The following DHX57 variants were observed in gnomAD, a reference collection of about 807,000 sequenced individuals.
DHX57 encodes the protein DExH-box helicase 57, also known as putative ATP-dependent RNA helicase DHX57.
DHX57 carries 105 observed loss-of-function variants against 156.2 expected under a neutral mutation model. The ratio of observed to expected loss-of-function variants is 0.67; its 90% CI spans 0.57 to 0.79. The LOEUF (loss-of-function observed/expected upper bound fraction) is 0.79, where lower values mean the gene tolerates loss of function less well. Among genes scored for constraint, DHX57 ranks in the 30% least tolerant of loss-of-function variants. DHX57 has a pLI of 0.00. For missense variants in DHX57, 1,847 were observed against 1,661.9 expected, an observed-to-expected ratio of 1.11 and a Z score of -1.94; for synonymous variants, 704 against 595.6, an observed-to-expected ratio of 1.18 and a Z score of -2.65.
chr2:38,849,702 C>T lies in DHX57; in HGVS notation c.2031-1300G>A, dbSNP rs76350530. On this transcript the variant is annotated intron_variant, in intron 9 of 23. Transcript: ENST00000457308. The stretch of plus-strand genomic sequence containing the variant: ...ACTCTCCCGTTCATTCACTCAGCAC[C>T]GGCTCACTGTTCTCCTTGCCGTCTT... Among the ~76,000 whole-genome samples, 362 of 152,274 alleles carry T rather than the reference C, an allele frequency of 2.4e-3. 1 individual carries two copies. Among genetic ancestry groups the T allele is most frequent in the African/African-American group, 8.1e-3 (336 of 41,550 alleles).
chr2:38,808,426 C>CTT (rs1670069403), intron 21 of DHX57, among the ~76,000 whole-genome samples: 1 of 151,996 alleles, frequency 6.6e-6, no homozygotes, highest in Admixed American at 6.6e-5. Flanking sequence ...CTTTTTTAAA[C>CTT]TTAATATATT....
chr2:38,845,603 C>T (rs574087085), intron 11 of DHX57, among the ~76,000 whole-genome samples: 1 of 152,140 alleles, frequency 6.6e-6, no homozygotes, highest in African/African-American at 2.4e-5. Flanking sequence ...ACAGGGATGA[C>T]AGCTGAAATC....
chr2:38,852,158 G>C (rs1011362415), intron 9 of DHX57, among the ~76,000 whole-genome samples: 11 of 147,452 alleles, frequency 7.5e-5, no homozygotes, highest in African/African-American at 2.5e-4. Flanking sequence ...TCTTCTAATA[G>C]TTCTTCTGGT....
At chr2:38,850,954 G>A (rs1672558144) in intron 9 of DHX57, among the ~76,000 whole-genome samples, 1 of 152,084 alleles carries the variant, frequency 6.6e-6, no homozygotes, top group African/African-American at 2.4e-5. Context: ...GCGTGCACCT[G>A]TAGTTGCGGC....
chr2:38,851,470 C>T (rs1672591199), intron 9 of DHX57, among the ~76,000 whole-genome samples: 1 of 152,132 alleles, frequency 6.6e-6, no homozygotes, highest in African/African-American at 2.4e-5. Context: ...TCAGAGTTAG[C>T]AAATATTCCC....
chr2:38,799,750 CAAAA>C (rs34097778), intron 23 of DHX57, among the ~76,000 whole-genome samples: 2 of 99,110 alleles, frequency 2.0e-5, no homozygotes, highest in Non-Finnish European at 3.8e-5. Flanking sequence ...AACTCCATCT[CAAAA>C]AAAAAAAAAA....
At chr2:38,847,286 T>C (rs547948635) in intron 10 of DHX57, among the ~76,000 whole-genome samples, 10 of 152,308 alleles carry the variant, frequency 6.6e-5, no homozygotes, top group Non-Finnish European at 1.2e-4. Flanking sequence ...GGTAGAGAAA[T>C]GATCCTTTGC....
rs770528775 is a variant in DHX57, at chr2:38,823,241, G to A, written c.3043C>T (p.His1015Tyr). The change falls in exon 17 of 24, where the codon CAT becomes TAT. Residue 1015 changes from histidine (H) to tyrosine (Y), a missense_variant. By Grantham distance (83) the His-to-Tyr change is moderately conservative. Transcript: ENST00000457308. ...RIKILEMFSAHNLQSVFSRLI... is the reference protein window; with the variant it reads ...RIKILEMFSAYNLQSVFSRLI... ...CGAGAGAACACAGACTGGAGATTAT[G>A]AGCACTAAACATCTCTAAAATTTTA... The A allele has an allele frequency of 1.2e-6, 2 of 1,614,086 alleles. No homozygotes were observed. The highest frequency in any genetic ancestry group is 1.1e-5 in the South Asian group (1 of 91,074).
At chr2:38,858,372 A>G (rs1673010854) in intron 6 of DHX57, among the ~76,000 whole-genome samples, 1 of 152,154 alleles carries the variant, frequency 6.6e-6, no homozygotes, top group African/African-American at 2.4e-5. Context: ...AGTAAACCAC[A>G]GTATTGATAT....
chr2:38,860,224 C>T (rs548872476), intron 5 of DHX57, among the ~76,000 whole-genome samples: 9 of 152,152 alleles, frequency 5.9e-5, no homozygotes, highest in East Asian at 1.9e-4. Context: ...CCAAGGCAGG[C>T]GGATCACCTG....
chr2:38,867,482 A>G (rs1273638541), intron 2 of DHX57, among the ~76,000 whole-genome samples: 1 of 152,244 alleles, frequency 6.6e-6, no homozygotes, highest in African/African-American at 2.4e-5. Context: ...ACACCATCAG[A>G]TGATGGCTGA....
chr2:38,815,843 C>G (rs1647577885), intron 19 of DHX57, 188 bp from the exon 20 acceptor site: 6 of 661,162 alleles, frequency 9.1e-6, no homozygotes, highest in South Asian at 2.1e-5. Context: ...CTTACGCAAA[C>G]TGGCAGGCAA....
chr2:38,814,748 G>A (rs1337456468), intron 20 of DHX57, among the ~76,000 whole-genome samples: 1 of 151,256 alleles, frequency 6.6e-6, no homozygotes, highest in Non-Finnish European at 1.5e-5. Flanking sequence ...TTGAGACAGA[G>A]TTTCGCTCTT....
chr2:38,800,734 G>A (rs1013568215), intron 23 of DHX57, among the ~76,000 whole-genome samples: 2 of 152,058 alleles, frequency 1.3e-5, no homozygotes, highest in Non-Finnish European at 2.9e-5. Flanking sequence ...CAGCCCTTTC[G>A]ATACCACTAG....
intron 22 of DHX57, among the ~76,000 whole-genome samples, chr2:38,805,859 G>A (rs1185028826): frequency 1.3e-5 from 2 of 152,198 alleles, no homozygotes; most frequent in Non-Finnish European, 2.9e-5. Context: ...GCGTCTGTGT[G>A]TAAGTGGCAG....
Position 38,798,362 on chromosome 2 carries a change from C to T in DHX57, c.4098G>A (p.Leu1366=), listed in dbSNP as rs773593807. 3.7e-6 allele frequency: 6 copies of T among 1,614,008 alleles called. No homozygotes were observed. Among genetic ancestry groups the T allele is most frequent in the Non-Finnish European group, 5.1e-6 (6 of 1,180,018 alleles). Residue 1366 remains leucine (L), a synonymous_variant, in exon 24 of 24, where the codon CTG becomes CTA. Coordinates refer to ENST00000457308, the MANE Select transcript of DHX57 (RefSeq NM_198963.3). ...TCCGGGATCCTCGAGGACACGTACA[C>T]AGATCAATGCTTGGGTTTTTAATTT... The part of the protein sequence containing the change: ...QDKIKNPSID[L]CTCPRGSRII...
intron 13 of DHX57, among the ~76,000 whole-genome samples, chr2:38,834,347 A>AG (rs972303484): frequency 6.6e-6 from 1 of 151,820 alleles, no homozygotes; most frequent in Non-Finnish European, 1.5e-5. Flanking sequence ...AAAAAAAAAA[A>AG]AAAAGTGGTA....
At position 38,806,656 on chromosome 2, in the gene DHX57, G is replaced by T. The variant is rs761281159; in HGVS notation, c.3719C>A (p.Thr1240Asn). Reference protein sequence around the residue: ...SPEGKFQKTSTGAVRMQPKSA... With the variant: ...SPEGKFQKTSNGAVRMQPKSA... The stretch of plus-strand genomic sequence containing the variant: ...TTTTGGTTGCATTCTGACAGCTCCA[G>T]TACTGGTCTTCTGAAATTTTCCTTC... Residue 1240 changes from threonine (T) to asparagine (N), a missense_variant, in exon 22 of 24, where the codon ACT becomes AAT. By Grantham distance (65) the Thr-to-Asn change is moderately conservative. Transcript: ENST00000457308. The T allele has an allele frequency of 2.5e-6, 4 of 1,614,056 alleles. No individual in the cohort carries two copies. The highest frequency in any genetic ancestry group is 3.4e-6 in the Non-Finnish European group (4 of 1,179,994).
Position 38,797,999 on chromosome 2 carries a change from T to G in DHX57, c.*300A>C, listed in dbSNP as rs986369069. On this transcript the variant is annotated 3_prime_UTR_variant, in exon 24 of 24. Transcript: ENST00000457308. ...GATTAAAACAGAATTGTATTATACA[T>G]TCACTTTTGAGTTATCAGGTGAACT... The G allele has an allele frequency of 1.5e-5, 4 of 268,948 alleles. No homozygotes were observed. The highest frequency in any genetic ancestry group is 3.0e-5 in the Non-Finnish European group (4 of 132,898). The allele number at this position is 268,948 out of a possible 1,614,324, so 16.7% of individuals were successfully genotyped here. A position where few individuals can be genotyped will look rare whatever the true frequency, so the allele number is the denominator to read the frequency against.
Sources: gnomAD v4.1 joint callset for allele counts (sites outside exome capture counted in the v4.1 genomes callset) on GRCh38, gnomAD v4.1.1 for gene constraint, MANE v1.5 for transcripts, NCBI Gene and HGNC (gene_info 2026-07-23, HGNC 2026-07-21) for gene names.